Variants in CNTN6 observed in about 807,000 individuals in gnomAD.
The protein encoded by CNTN6 is contactin 6.
Under a neutral mutation model 122.8 loss-of-function variants are expected in CNTN6, and 137 were observed. That is an observed-to-expected ratio of 1.12 (90% confidence interval 0.97 to 1.29). The LOEUF (loss-of-function observed/expected upper bound fraction) is 1.29, where lower values mean the gene tolerates loss of function less well. CNTN6 is among the 50% of genes most tolerant of loss of function. The pLI is 0.00. For synonymous variants in CNTN6, 570 were observed against 426.0 expected (o/e 1.34, Z -4.16); for missense variants, 1,634 against 1,223.4 (o/e 1.34, Z -5.01).
At chr3:1,172,275 T>C (rs2093370217) in intron 2 of CNTN6, among the ~76,000 whole-genome samples, 1 of 152,202 alleles carries the variant, frequency 6.6e-6, no homozygotes, top group Admixed American at 6.5e-5. Context: ...AGCAGGATTA[T>C]ATTGCCCTCT....
At chr3:1,339,485 G>A (rs556802619) in intron 11 of CNTN6, among the ~76,000 whole-genome samples, 48 of 152,226 alleles carry the variant, frequency 3.2e-4, no homozygotes, top group African/African-American at 1.1e-3. Context: ...CCACAGCTCC[G>A]GTGCAGTGGG....
At chr3:1,193,334 A>G (rs1055784862) in intron 2 of CNTN6, among the ~76,000 whole-genome samples, 2 of 152,156 alleles carry the variant, frequency 1.3e-5, no homozygotes, top group Non-Finnish European at 2.9e-5. Flanking sequence ...AAGAATATAG[A>G]CTGACATCAA....
At position 1,264,623 on chromosome 3, in the gene CNTN6, G is replaced by T. The variant is rs182995299; in HGVS notation, c.359-13790G>T. Among the ~76,000 whole-genome samples the T allele has an allele frequency of 7.1e-4, 108 of 152,138 alleles. 1 individual carries two copies. In the East Asian group the frequency reaches 0.018, roughly 26 times the overall value. ...ATTGTATAGATTTATAGGGTAAAAT[G>T]TGGTATTTTGATGTATCTTTAGATT... On this transcript the variant is annotated intron_variant, in intron 4 of 22. Coordinates refer to ENST00000446702, the MANE Select transcript of CNTN6 (RefSeq NM_001289080.2).
chr3:1,217,187 C>G (rs1329134332), intron 2 of CNTN6, among the ~76,000 whole-genome samples: 3 of 152,184 alleles, frequency 2.0e-5, no homozygotes, highest in African/African-American at 7.2e-5. Context: ...TAACCAGTAG[C>G]TCTATGGTCT....
chr3:1,158,117 G>A (rs1433005995), intron 2 of CNTN6, among the ~76,000 whole-genome samples: 3 of 152,140 alleles, frequency 2.0e-5, no homozygotes, highest in Non-Finnish European at 2.9e-5. Flanking sequence ...AACTGTTGTT[G>A]ATAGTGGTTG....
In CNTN6 at chr3:1,372,902, C is replaced by T. The variant is rs1014308845; in HGVS notation, c.1733C>T (p.Thr578Ile). ...QLHHSGKYLC[T>I]VQTTLESLSA... is the part of the protein sequence containing the mutation. ...CATCATTCAGGAAAATATCTCTGCACAGTACAAACAACCCTAGAAAGTTTA... is the reference window on the plus strand; with the variant it reads ...CATCATTCAGGAAAATATCTCTGCATAGTACAAACAACCCTAGAAAGTTTA... Residue 578 changes from threonine to isoleucine, a missense_variant, in exon 14 of 23, where the codon ACA becomes ATA. Transcript: ENST00000446702. 2 of 1,609,822 alleles carry T rather than the reference C, an allele frequency of 1.2e-6. No individual in the cohort carries two copies. The highest frequency in any genetic ancestry group is 2.2e-5 in the South Asian group (2 of 90,554).
chr3:1,281,239 A>G (rs1693361981), intron 5 of CNTN6, among the ~76,000 whole-genome samples: 1 of 152,108 alleles, frequency 6.6e-6, no homozygotes, highest in African/African-American at 2.4e-5. Context: ...TATTTCTTCT[A>G]TTTCCAATCT....
chr3:1,398,202 A>C (rs774324647), intron 20 of CNTN6, among the ~76,000 whole-genome samples: 4 of 152,180 alleles, frequency 2.6e-5, no homozygotes, highest in Non-Finnish European at 5.9e-5. Context: ...TTTATCATAG[A>C]TATTTGCAAT....
intron 19 of CNTN6, among the ~76,000 whole-genome samples, chr3:1,383,640 AAAAAAC>A (rs3043011): frequency 0.1 from 15,467 of 151,502 alleles, 1,032 homozygotes; most frequent in Middle Eastern, 0.15. Context: ...GCCAGTGGTA[AAAAAAC>A]AAAAACAAAA....
chr3:1,355,949 A>G (rs1333398380), intron 12 of CNTN6, among the ~76,000 whole-genome samples: 1 of 151,818 alleles, frequency 6.6e-6, no homozygotes, highest in African/African-American at 2.4e-5. Flanking sequence ...ATACAGCAGG[A>G]TAAGGCGATT....
At chr3:1,367,434 A>G (rs76760019) in intron 12 of CNTN6, among the ~76,000 whole-genome samples, 5,214 of 152,172 alleles carry the variant, frequency 0.034, 123 homozygotes, top group South Asian at 0.053. Context: ...CCAGTCACAC[A>G]GAGCCCTGTG....
chr3:1,301,667 A>T (rs928624173), intron 7 of CNTN6, among the ~76,000 whole-genome samples: 3 of 152,208 alleles, frequency 2.0e-5, no homozygotes, highest in Non-Finnish European at 2.9e-5. Flanking sequence ...AAATGAAGGC[A>T]TTAATATAGA....
At chr3:1,217,468 C>A (rs1167478265) in intron 2 of CNTN6, among the ~76,000 whole-genome samples, 1 of 152,070 alleles carries the variant, frequency 6.6e-6, no homozygotes, top group African/African-American at 2.4e-5. Flanking sequence ...AGTTGAGACA[C>A]CCTCCTACAA....
chr3:1,367,958 C>T (rs1374330521), intron 12 of CNTN6, among the ~76,000 whole-genome samples: 3 of 152,172 alleles, frequency 2.0e-5, no homozygotes, highest in African/African-American at 7.2e-5. Flanking sequence ...TATTAACTCT[C>T]CATCCTGAGC....
At chr3:1,207,218 C>G (rs1440985370) in intron 2 of CNTN6, among the ~76,000 whole-genome samples, 1 of 151,960 alleles carries the variant, frequency 6.6e-6, no homozygotes, top group African/African-American at 2.4e-5. Flanking sequence ...TTTTCTCTCC[C>G]CAGAAAATGG....
chr3:1,288,388 T>A (rs148817863), intron 5 of CNTN6, among the ~76,000 whole-genome samples: 1 of 152,342 alleles, frequency 6.6e-6, no homozygotes, highest in African/African-American at 2.4e-5. Context: ...CTAATATCAA[T>A]GACTTCAGTC....
intron 7 of CNTN6, among the ~76,000 whole-genome samples, chr3:1,313,962 T>A (rs1387747681): frequency 1.3e-5 from 2 of 152,090 alleles, no homozygotes; most frequent in Middle Eastern, 3.2e-3. Context: ...GAAGGCTCTA[T>A]CTTCATGTCA....
In CNTN6 at chr3:1,377,386, G is replaced by C. The variant is rs1176763311; in HGVS notation, c.2166+311G>C. Among the ~76,000 whole-genome samples, 5 of 152,168 alleles carry C rather than the reference G, an allele frequency of 3.3e-5. No homozygotes were observed. In the East Asian group the frequency reaches 9.7e-4, roughly 29 times the overall value. On this transcript the variant is annotated intron_variant, in intron 17 of 22. Coordinates refer to ENST00000446702, the MANE Select transcript of CNTN6 (RefSeq NM_001289080.2). ...GGCATTGTTTGATTTGTTACCTGTG[G>C]CACTGTTGTATTGTGAATAAGTTGA...
At chr3:1,328,770 A>C (rs1701875869) in intron 10 of CNTN6, among the ~76,000 whole-genome samples, 1 of 151,720 alleles carries the variant, frequency 6.6e-6, no homozygotes. Flanking sequence ...CATACCCGAA[A>C]GAACTTCAGT....
Sources: gnomAD v4.1 joint callset for allele counts (sites outside exome capture counted in the v4.1 genomes callset) on GRCh38, gnomAD v4.1.1 for gene constraint, MANE v1.5 for transcripts, NCBI Gene and HGNC (gene_info 2026-07-23, HGNC 2026-07-21) for gene names.